BLTP3B: variants seen among roughly 807,000 people sequenced by gnomAD.
BLTP3B encodes the protein bridge-like lipid transfer protein family member 3B.
At chr12:100,092,062 G>GAT in the BLTP3B span, among the ~76,000 whole-genome samples, 1 of 152,118 alleles carries the variant, frequency 6.6e-6, no homozygotes, top group African/African-American at 2.4e-5. Flanking sequence ...GCCTGCCTCA[G>GAT]CCTCCCAAAG....
chr12:100,067,236 T>C, the BLTP3B span, among the ~76,000 whole-genome samples: 3 of 151,966 alleles, frequency 2.0e-5, no homozygotes, highest in South Asian at 6.2e-4. Flanking sequence ...CATCAAAAAG[T>C]CTGAAACAGC....
chr12:100,060,203 AAC>A, the BLTP3B span, among the ~76,000 whole-genome samples: 1 of 152,228 alleles, frequency 6.6e-6, no homozygotes, highest in Non-Finnish European at 1.5e-5. Flanking sequence ...AATGATAACA[AAC>A]ACATTTAGAT....
At chr12:100,095,684 C>T in the BLTP3B span, 1 of 1,612,418 alleles carries the variant, frequency 6.2e-7, no homozygotes, top group Admixed American at 1.7e-5. Context: ...GGTTCAGGAG[C>T]CATACTCTTC....
At chr12:100,067,929 G>A in the BLTP3B span, among the ~76,000 whole-genome samples, 1 of 152,072 alleles carries the variant, frequency 6.6e-6, no homozygotes, top group Admixed American at 6.5e-5. Context: ...ACTGCCAAAA[G>A]CAATTTACAA....
At chr12:100,070,383 T>A in the BLTP3B span, among the ~76,000 whole-genome samples, 1 of 151,394 alleles carries the variant, frequency 6.6e-6, no homozygotes, top group Non-Finnish European at 1.5e-5. Flanking sequence ...GCCTCCCAGG[T>A]TCAAGCGAAC....
At chr12:100,061,390 G>A in the BLTP3B span, among the ~76,000 whole-genome samples, 1 of 152,168 alleles carries the variant, frequency 6.6e-6, no homozygotes. Flanking sequence ...CGGCGCGGTG[G>A]CTCACGCCTG....
At chr12:100,058,373 TGATA>T in the BLTP3B span, 1 of 1,612,080 alleles carries the variant, frequency 6.2e-7, no homozygotes. Context: ...AATGTTTATC[TGATA>T]AATAGTCCAT....
At chr12:100,128,624 G>C in the BLTP3B span, 23 of 1,285,208 alleles carry the variant, frequency 1.8e-5, no homozygotes, top group African/African-American at 3.2e-4. Flanking sequence ...CCTGGTGAAA[G>C]CAAGCAGTCA....
chr12:100,124,742 T>C, the BLTP3B span, among the ~76,000 whole-genome samples: 1 of 149,488 alleles, frequency 6.7e-6, no homozygotes, highest in East Asian at 2.0e-4. Flanking sequence ...TGAGACTCCA[T>C]CTCAAAAAAT....
the BLTP3B span, among the ~76,000 whole-genome samples, chr12:100,122,070 G>A: frequency 6.6e-6 from 1 of 151,934 alleles, no homozygotes; most frequent in Non-Finnish European, 1.5e-5. Context: ...AGGAGTTCCA[G>A]ACCAGCCTGA....
At chr12:100,061,326 G>C in the BLTP3B span, among the ~76,000 whole-genome samples, 2 of 152,110 alleles carry the variant, frequency 1.3e-5, no homozygotes, top group Non-Finnish European at 2.9e-5. Context: ...AGCAGATGTG[G>C]GACTGAAAAA....
At chr12:100,137,194 C>G in the BLTP3B span, among the ~76,000 whole-genome samples, 1 of 152,158 alleles carries the variant, frequency 6.6e-6, no homozygotes, top group South Asian at 2.1e-4. Flanking sequence ...AATCTCCAAC[C>G]CTTCCAATTA....
chr12:100,104,082 C>T, the BLTP3B span: 1 of 529,850 alleles, frequency 1.9e-6, no homozygotes. Flanking sequence ...TCTTAAACTA[C>T]AAAATAAACT....
At chr12:100,039,802 A>G in the BLTP3B span, 9 of 1,602,560 alleles carry the variant, frequency 5.6e-6, 1 homozygote, top group Non-Finnish European at 7.7e-6. Flanking sequence ...GATCAAACAA[A>G]TAACATGCTC....
the BLTP3B span, chr12:100,097,635 T>C: frequency 3.8e-6 from 4 of 1,045,496 alleles, no homozygotes; most frequent in Non-Finnish European, 5.3e-6. Flanking sequence ...ATATTCACCA[T>C]GTTTTTATTT....
chr12:100,117,521 G>A, the BLTP3B span, among the ~76,000 whole-genome samples: 1 of 151,932 alleles, frequency 6.6e-6, no homozygotes, highest in East Asian at 1.9e-4. Context: ...GGAGGGCAGT[G>A]GTGTGATCAC....
the BLTP3B span, among the ~76,000 whole-genome samples, chr12:100,131,318 A>C: frequency 6.6e-6 from 1 of 151,270 alleles, no homozygotes; most frequent in Non-Finnish European, 1.5e-5. Context: ...CTCAAAAAAA[A>C]AAAAAATTAA....
chr12:100,117,386 GC>G, the BLTP3B span, among the ~76,000 whole-genome samples: 1 of 152,126 alleles, frequency 6.6e-6, no homozygotes, highest in Non-Finnish European at 1.5e-5. Flanking sequence ...TGGTCTCCTT[GC>G]CAAAAACCCC....
chr12:100,053,413 T>A, the BLTP3B span, among the ~76,000 whole-genome samples: 2 of 151,892 alleles, frequency 1.3e-5, no homozygotes, highest in African/African-American at 4.8e-5. Context: ...GTATCAAAAA[T>A]ATATATATTT....
Sources: gnomAD v4.1 joint callset for allele counts (sites outside exome capture counted in the v4.1 genomes callset) on GRCh38, gnomAD v4.1.1 for gene constraint, MANE v1.5 for transcripts, NCBI Gene and HGNC (gene_info 2026-07-23, HGNC 2026-07-21) for gene names.